The following SPATA13 variants were observed in gnomAD, a reference collection of about 807,000 sequenced individuals.
SPATA13 encodes the protein spermatogenesis associated 13, also known as spermatogenesis-associated protein 13.
SPATA13 carries 50 observed loss-of-function variants against 104.0 expected under a neutral mutation model. The ratio of observed to expected loss-of-function variants is 0.48; its 90% CI spans 0.38 to 0.61. SPATA13 has a LOEUF of 0.61. SPATA13 is among the 20% of genes least tolerant of loss of function. The pLI, the probability that SPATA13 is intolerant of heterozygous loss-of-function variation, is 0.00. For missense variants in SPATA13, 1,524 were observed against 1,690.6 expected, an observed-to-expected ratio of 0.90 and a Z score of 1.73; for synonymous variants, 606 against 667.5, an observed-to-expected ratio of 0.91 and a Z score of 1.42.
chr13:24,164,720 C>T (rs1325036806), intron 1 of SPATA13, among the ~76,000 whole-genome samples: 1 of 152,148 alleles, frequency 6.6e-6, no homozygotes, highest in African/African-American at 2.4e-5. Context: ...CTTAGGAGAT[C>T]CACCTGCATC....
intron 3 of SPATA13, among the ~76,000 whole-genome samples, chr13:24,092,282 C>T (rs1443167392): frequency 6.6e-6 from 1 of 152,184 alleles, no homozygotes; most frequent in Non-Finnish European, 1.5e-5. Flanking sequence ...GACATTCCGG[C>T]AGCTCTCTAA....
intron 3 of SPATA13, among the ~76,000 whole-genome samples, chr13:24,036,844 C>T (rs932032928): frequency 1.3e-5 from 2 of 152,050 alleles, no homozygotes; most frequent in African/African-American, 4.8e-5. Flanking sequence ...GGCACAATCT[C>T]GGCTCACTGC....
intron 3 of SPATA13, among the ~76,000 whole-genome samples, chr13:24,155,145 GT>G (rs1882222373): frequency 6.6e-6 from 1 of 152,174 alleles, no homozygotes; most frequent in African/African-American, 2.4e-5. Context: ...ACCTTGCCCG[GT>G]TGGTTATTAT....
chr13:24,026,734 C>T (rs1326322330), intron 3 of SPATA13, among the ~76,000 whole-genome samples: 8 of 152,050 alleles, frequency 5.3e-5, no homozygotes, highest in African/African-American at 7.2e-5. Context: ...CCCGCCACCA[C>T]GTCCAGCTAA....
chr13:24,075,824 G>T (rs766522747), intron 3 of SPATA13, among the ~76,000 whole-genome samples: 7 of 152,124 alleles, frequency 4.6e-5, no homozygotes, highest in Non-Finnish European at 1.0e-4. Context: ...GGAAAGGAGA[G>T]CTGGGCCTGA....
chr13:24,142,690 C>A (rs1328235672), intron 3 of SPATA13, among the ~76,000 whole-genome samples: 1 of 152,020 alleles, frequency 6.6e-6, no homozygotes, highest in Non-Finnish European at 1.5e-5. Flanking sequence ...CTTCCTCTTC[C>A]TCTTCCTTCT....
chr13:24,157,475 T>C (rs1359587570), upstream of SPATA13, among the ~76,000 whole-genome samples: 2 of 152,134 alleles, frequency 1.3e-5, no homozygotes, highest in Non-Finnish European at 2.9e-5. Context: ...ATTTTTTTTG[T>C]ATTTTTAGTA....
intron 2 of SPATA13, among the ~76,000 whole-genome samples, chr13:23,995,329 A>G (rs1566065631): frequency 6.6e-6 from 1 of 152,238 alleles, no homozygotes; most frequent in African/African-American, 2.4e-5. Context: ...TGGCTTAATC[A>G]AATCCAAGTG....
At chr13:24,112,723 C>T (rs1484335404) in intron 3 of SPATA13, among the ~76,000 whole-genome samples, 1 of 152,188 alleles carries the variant, frequency 6.6e-6, no homozygotes, top group East Asian at 1.9e-4. Context: ...CAGTCTTGAT[C>T]CACAGTTCTC....
intron 1 of SPATA13, among the ~76,000 whole-genome samples, chr13:24,209,607 A>G (rs1210211374): frequency 2.0e-5 from 3 of 152,220 alleles, no homozygotes; most frequent in Admixed American, 2.0e-4. Flanking sequence ...CATCCTTTTC[A>G]TGACTGAATA....
intron 1 of SPATA13, among the ~76,000 whole-genome samples, chr13:24,169,178 G>T (rs577061880): frequency 5.8e-4 from 89 of 152,212 alleles, no homozygotes; most frequent in Middle Eastern, 3.4e-3. Flanking sequence ...CCTAGAAAAG[G>T]CTTGGGCTCT....
At chr13:24,123,188 T>C (rs575740532) in intron 3 of SPATA13, 7 of 1,339,016 alleles carry the variant, frequency 5.2e-6, no homozygotes, top group South Asian at 2.4e-5. Flanking sequence ...GTCTGATGAA[T>C]GGTGTGATAT....
At chr13:24,179,218 G>A (rs896982497) in intron 1 of SPATA13, among the ~76,000 whole-genome samples, 1 of 152,104 alleles carries the variant, frequency 6.6e-6, no homozygotes, top group African/African-American at 2.4e-5. Flanking sequence ...TAGCTGTTAG[G>A]AATAATATGC....
intron 12 of SPATA13, 106 bp from the exon 13 acceptor site, chr13:24,302,492 A>AAAT: frequency 2.1e-6 from 1 of 471,914 alleles, no homozygotes; most frequent in Non-Finnish European, 3.8e-6. Context: ...AAAAAAAAGA[A>AAAT]TTAGCTGAGA....
chr13:24,197,909 A>G (rs1178589082), intron 1 of SPATA13, among the ~76,000 whole-genome samples: 1 of 152,116 alleles, frequency 6.6e-6, no homozygotes, highest in East Asian at 1.9e-4. Flanking sequence ...GAAGTCCCCC[A>G]AGAAACATGC....
chr13:24,093,399 A>G (rs1879970614), intron 3 of SPATA13, among the ~76,000 whole-genome samples: 1 of 152,230 alleles, frequency 6.6e-6, no homozygotes, highest in South Asian at 2.1e-4. Flanking sequence ...TTTTTAAAAG[A>G]GGACGTATGG....
Position 24,297,682 on chromosome 13 carries a change from G to A in SPATA13, c.3530G>A (p.Trp1177Ter). The change falls in exon 11 of 13, where the codon TGG becomes TAG. Residue 1177 changes from tryptophan (W) to a stop codon, truncating the protein, a stop_gained. Transcript: ENST00000382108. LOFTEE classifies it high-confidence loss of function. ...AAAAAACAAGAAGACAAGGCGAGGTGGCTGCAGGCCTGTGCAGATGAAAGG... is the reference window on the plus strand; with the variant it reads ...AAAAAACAAGAAGACAAGGCGAGGTAGCTGCAGGCCTGTGCAGATGAAAGG... ...CAKKQEDKAR[W>*]LQACADERRR... 1.2e-6 allele frequency: 2 copies of A among 1,614,216 alleles called. No individual in the cohort carries two copies. Among genetic ancestry groups the A allele is most frequent in the Non-Finnish European group, 1.7e-6 (2 of 1,180,048 alleles).
chr13:24,109,744 G>A (rs932914359), intron 3 of SPATA13, among the ~76,000 whole-genome samples: 4 of 152,020 alleles, frequency 2.6e-5, no homozygotes, highest in African/African-American at 9.7e-5. Context: ...TACATGGATA[G>A]ACTGTAATTC....
chr13:23,987,845 C>T (rs1424103296), intron 2 of SPATA13, among the ~76,000 whole-genome samples: 3 of 152,132 alleles, frequency 2.0e-5, no homozygotes, highest in Non-Finnish European at 4.4e-5. Flanking sequence ...CTCTTACAAG[C>T]GGATTCTATA....
Sources: gnomAD v4.1 joint callset for allele counts (sites outside exome capture counted in the v4.1 genomes callset) on GRCh38, gnomAD v4.1.1 for gene constraint, MANE v1.5 for transcripts, NCBI Gene and HGNC (gene_info 2026-07-23, HGNC 2026-07-21) for gene names.